The following CEP290 variants were observed in gnomAD, a reference collection of about 807,000 sequenced individuals.
CEP290 encodes centrosomal protein 290, also known as centrosomal protein of 290 kDa.
A neutral mutation model predicts 344.9 loss-of-function variants in CEP290; 317 were observed. The ratio of observed to expected loss-of-function variants is 0.92; its 90% CI spans 0.84 to 1.01. The LOEUF is 1.01. Among genes scored for constraint, CEP290 ranks in the 50% least tolerant of loss-of-function variants. The pLI, the probability that CEP290 is intolerant of heterozygous loss-of-function variation, is 0.00. For synonymous variants in CEP290, 932 were observed against 895.8 expected, an observed-to-expected ratio of 1.04 and a Z score of -0.72; for missense variants, 2,754 against 2,761.4, an observed-to-expected ratio of 1.00 and a Z score of 0.06.
chr12:88,100,486 A>G (rs948892570), intron 26 of CEP290, among the ~76,000 whole-genome samples: 1 of 152,172 alleles, frequency 6.6e-6, no homozygotes, highest in East Asian at 1.9e-4. Flanking sequence ...AAGCAACAAT[A>G]ATTTCCTAAG....
chr12:88,061,866 C>T (rs193102629), intron 46 of CEP290, among the ~76,000 whole-genome samples: 2 of 152,044 alleles, frequency 1.3e-5, no homozygotes, highest in African/African-American at 4.8e-5. Flanking sequence ...GTAACCTCCG[C>T]CTGCCAGGTT....
At chr12:88,049,471 T>G in intron 53 of CEP290, 57 bp from the exon 54 acceptor site, 2 of 892,856 alleles carry the variant, frequency 2.2e-6, no homozygotes, top group African/African-American at 3.4e-5. Flanking sequence ...ATTTTACGTT[T>G]GAACAAGGAG....
chr12:88,074,493 C>T (rs192474258), intron 41 of CEP290, among the ~76,000 whole-genome samples: 1 of 152,150 alleles, frequency 6.6e-6, no homozygotes, highest in Admixed American at 6.5e-5. Flanking sequence ...TGAATGGTAC[C>T]ATGGGTATTG....
At chr12:88,097,302 G>A (rs1055335132) in intron 26 of CEP290, among the ~76,000 whole-genome samples, 3 of 151,816 alleles carry the variant, frequency 2.0e-5, no homozygotes, top group African/African-American at 4.8e-5. Flanking sequence ...TAATTGAATC[G>A]TGGGGGTGGT....
At chr12:88,092,609 A>T in intron 29 of CEP290, 72 bp downstream of exon 29, 1 of 1,334,756 alleles carries the variant, frequency 7.5e-7, no homozygotes, top group Non-Finnish European at 1.0e-6. Flanking sequence ...GTATACCTGT[A>T]ATTGGGTTTC....
At chr12:88,050,850 T>C (rs2033435225) in intron 52 of CEP290, among the ~76,000 whole-genome samples, 1 of 152,336 alleles carries the variant, frequency 6.6e-6, no homozygotes, top group South Asian at 2.1e-4. Context: ...CCATGTAGGT[T>C]ATTACACATT....
chr12:88,092,391 C>T (rs922553182), intron 29 of CEP290, among the ~76,000 whole-genome samples: 4 of 152,024 alleles, frequency 2.6e-5, no homozygotes, highest in African/African-American at 9.7e-5. Flanking sequence ...CTCCATCACC[C>T]CTTCCCCAAA....
At chr12:88,088,262 C>G (rs1035528873) in intron 31 of CEP290, among the ~76,000 whole-genome samples, 8 of 152,096 alleles carry the variant, frequency 5.3e-5, no homozygotes, top group Admixed American at 5.2e-4. Flanking sequence ...CTTTCAAAAA[C>G]AGAAATCCTA....
chr12:88,125,338 A>C lies in CEP290; in HGVS notation c.1097T>G (p.Met366Arg). ...ATATTGTTCTACTTGTTCGGTGAGC[A>C]TCTTAATTTGACTGTCTCGTTCCTG... ...GIQERDSQIK[M>R]LTEQVEQYTK... The change falls in exon 13 of 54, where the codon ATG becomes AGG. Residue 366 changes from methionine to arginine, a missense_variant. By Grantham distance (91) the Met-to-Arg change is moderately conservative (BLOSUM62 -1). Transcript: ENST00000552810. 7.6e-7 allele frequency: 1 copy of C among 1,319,688 alleles called. No homozygotes were observed. Among genetic ancestry groups the C allele is most frequent in the Non-Finnish European group, 9.9e-7 (1 of 1,005,872 alleles). 81.7% of individuals were successfully genotyped at this position (1,319,688 alleles called of 1,614,324 possible).
intron 11 of CEP290, among the ~76,000 whole-genome samples, chr12:88,128,662 G>A (rs989739479): frequency 1.1e-4 from 17 of 152,014 alleles, no homozygotes; most frequent in East Asian, 5.8e-4. Context: ...ATTATATTTC[G>A]AATTATATAT....
At chr12:88,139,913 C>T (rs779688979) in intron 3 of CEP290, among the ~76,000 whole-genome samples, 6 of 151,906 alleles carry the variant, frequency 3.9e-5, no homozygotes, top group Non-Finnish European at 7.4e-5. Context: ...GCTTGGTGTG[C>T]CATCATGCTC....
chr12:88,050,736 G>C (rs2033422051), intron 52 of CEP290, among the ~76,000 whole-genome samples: 1 of 152,150 alleles, frequency 6.6e-6, no homozygotes, highest in Non-Finnish European at 1.5e-5. Flanking sequence ...AGGGAAACTT[G>C]TTAGGTACTA....
At chr12:88,128,744 G>A (rs569128186) in intron 11 of CEP290, among the ~76,000 whole-genome samples, 1 of 152,190 alleles carries the variant, frequency 6.6e-6, no homozygotes, top group South Asian at 2.1e-4. Context: ...TGATGTGAAA[G>A]AGGTCATTCA....
At chr12:88,131,022 CA>C in intron 7 of CEP290, 142 bp downstream of exon 7, 1 of 614,260 alleles carries the variant, frequency 1.6e-6, no homozygotes, top group Non-Finnish European at 2.6e-6. Context: ...TTCCCTGAGA[CA>C]AAGTCATACC....
intron 35 of CEP290, 71 bp downstream of exon 35, chr12:88,084,515 G>A: frequency 7.6e-7 from 1 of 1,312,510 alleles, no homozygotes. Flanking sequence ...CCACTTTAGG[G>A]TAAAATAATA....
intron 11 of CEP290, among the ~76,000 whole-genome samples, chr12:88,128,312 A>G (rs1056654863): frequency 1.3e-5 from 2 of 152,154 alleles, no homozygotes; most frequent in African/African-American, 4.8e-5. Flanking sequence ...CAAACTGCCC[A>G]CAAGATTTAT....
chr12:88,070,140 G>T (rs931813361), intron 43 of CEP290, among the ~76,000 whole-genome samples: 1 of 152,128 alleles, frequency 6.6e-6, no homozygotes, highest in Non-Finnish European at 1.5e-5. Flanking sequence ...AATGACATGG[G>T]GTGATGCAGG....
chr12:88,058,870 A>G lies in CEP290; in HGVS notation c.6796T>C (p.Trp2266Arg). 1.2e-6 allele frequency: 2 copies of G among 1,613,814 alleles called. No individual in the cohort carries two copies. Among genetic ancestry groups the G allele is most frequent in the Non-Finnish European group, 1.7e-6 (2 of 1,179,868 alleles). Residue 2266 changes from tryptophan (W) to arginine (R), a missense_variant, in exon 49 of 54, where the codon TGG (tryptophan) becomes CGG (arginine). By Grantham distance (101) the Trp-to-Arg change is moderately radical. Coordinates refer to ENST00000552810, the MANE Select transcript of CEP290 (RefSeq NM_025114.4). The stretch of plus-strand genomic sequence containing the variant: ...TACCTTGTAACCACAATGGATTTCC[A>G]GCTCTTACTGTCAGCACCTTCAAGC... ...PQLEGADSKSWKSIVVTRMYE... is the reference protein window; with the variant it reads ...PQLEGADSKSRKSIVVTRMYE...
Position 88,129,820 on chromosome 12 carries a change from AT to A in CEP290, c.725del (p.Asn242IlefsTer2), listed in dbSNP as rs1440468666. 2.0e-6 allele frequency: 3 copies of A among 1,465,704 alleles called. No individual in the cohort carries two copies. Among genetic ancestry groups the A allele is most frequent in the Non-Finnish European group, 2.7e-6 (3 of 1,110,206 alleles). The allele number at this position is 1,465,704 out of a possible 1,614,324, so 90.8% of individuals were successfully genotyped here. A position where few individuals can be genotyped will look rare whatever the true frequency, so the allele number is the denominator to read the frequency against. ...IEVQNQEMRK[N>X]LEESVQEMEK... is the part of the protein sequence containing the mutation. ...CCATTTCCTGTACAGACTCTTCTAAATTTTTTCTCATTTCTTGATTCTGAAC... is the reference window on the plus strand; with the variant it reads ...CCATTTCCTGTACAGACTCTTCTAAATTTTTCTCATTTCTTGATTCTGAAC... On this transcript the variant is annotated frameshift_variant, in exon 10 of 54. Transcript: ENST00000552810. LOFTEE classifies it high-confidence loss of function.
Sources: gnomAD v4.1 joint callset for allele counts (sites outside exome capture counted in the v4.1 genomes callset) on GRCh38, gnomAD v4.1.1 for gene constraint, MANE v1.5 for transcripts, NCBI Gene and HGNC (gene_info 2026-07-23, HGNC 2026-07-21) for gene names.